SGMS1: variants seen among roughly 807,000 people sequenced by gnomAD.
The protein encoded by SGMS1 is sphingomyelin synthase 1.
Under a neutral mutation model 46.2 loss-of-function variants are expected in SGMS1, and 13 were observed. That is an observed-to-expected ratio of 0.28 (90% CI 0.18 to 0.45). The LOEUF (loss-of-function observed/expected upper bound fraction) is 0.45, where lower values mean the gene tolerates loss of function less well. Ranked by LOEUF, SGMS1 falls within the 20% of genes least tolerant of loss-of-function variation. The pLI is 1.00. For missense variants in SGMS1, 324 were observed against 519.9 expected (o/e 0.62, Z 3.66); for synonymous variants, 203 against 187.8 (o/e 1.08, Z -0.66).
intron 6 of SGMS1, among the ~76,000 whole-genome samples, chr10:50,347,799 C>T (rs1290584311): frequency 6.6e-6 from 1 of 152,164 alleles, no homozygotes; most frequent in African/African-American, 2.4e-5. Context: ...TTTCAGTCCT[C>T]TCTGATGAGA....
At chr10:50,560,191 T>C (rs1838222069) in intron 2 of SGMS1, among the ~76,000 whole-genome samples, 1 of 145,592 alleles carries the variant, frequency 6.9e-6, no homozygotes, top group Non-Finnish European at 1.5e-5. Flanking sequence ...TCAGAATATA[T>C]GTGTATATAT....
chr10:50,424,614 C>G lies in SGMS1; in HGVS notation c.-232+8862G>C, dbSNP rs117607809. Among the ~76,000 whole-genome samples, 194 of 152,238 alleles carry G rather than the reference C, an allele frequency of 1.3e-3. 2 individuals are homozygous for G. The South Asian group carries it at 0.018, about 14-fold the overall frequency. ...AACAATCAACAGAATAAGGAGACAACCTACAGAATGGGAGAAAATATTTGC... is the reference window on the plus strand; with the variant it reads ...AACAATCAACAGAATAAGGAGACAAGCTACAGAATGGGAGAAAATATTTGC... On this transcript the variant is annotated intron_variant, in intron 6 of 10. Transcript: ENST00000361781.
At position 50,343,656 on chromosome 10, in the gene SGMS1, G is replaced by A. The variant is rs1847858267; in HGVS notation, c.459C>T (p.Ile153=). ...GAGGTACTCGTTCGTGGACGACCGA[G>A]ATCATCACTGTGGTGAGAACGAAAC... ...LSCFVLTTVM[I]SVVHERVPPK... The change falls in exon 7 of 11, where the codon ATC becomes ATT. Residue 153 remains isoleucine (I), a synonymous_variant. Transcript: ENST00000361781. 2 of 1,614,186 alleles carry A rather than the reference G, an allele frequency of 1.2e-6. No individual in the cohort carries two copies. The highest frequency in any genetic ancestry group is 2.7e-5 in the African/African-American group (2 of 75,042).
chr10:50,371,340 A>G (rs1392532539), intron 6 of SGMS1, among the ~76,000 whole-genome samples: 1 of 152,222 alleles, frequency 6.6e-6, no homozygotes, highest in African/African-American at 2.4e-5. Flanking sequence ...AATTACTGCC[A>G]AAGCTTCCTC....
intron 6 of SGMS1, among the ~76,000 whole-genome samples, chr10:50,359,877 T>C (rs923781909): frequency 1.4e-4 from 21 of 152,146 alleles, no homozygotes; most frequent in African/African-American, 4.8e-4. Context: ...ATATTACAAA[T>C]ATCCACAGGG....
At chr10:50,448,761 A>T (rs1451132363) in intron 5 of SGMS1, among the ~76,000 whole-genome samples, 5 of 151,350 alleles carry the variant, frequency 3.3e-5, no homozygotes, top group Non-Finnish European at 5.9e-5. Flanking sequence ...AAAAAAAAAA[A>T]GAATGAAAAG....
chr10:50,556,394 G>T (rs1278163548), intron 2 of SGMS1, among the ~76,000 whole-genome samples: 1 of 152,156 alleles, frequency 6.6e-6, no homozygotes, highest in East Asian at 1.9e-4. Context: ...TTGGGGGCTG[G>T]GTTATTTTGT....
At chr10:50,325,104 C>T (rs963443599) in intron 8 of SGMS1, among the ~76,000 whole-genome samples, 2 of 152,074 alleles carry the variant, frequency 1.3e-5, no homozygotes, top group Non-Finnish European at 1.5e-5. Context: ...TTTTTAGATG[C>T]GTACTAAAGT....
intron 3 of SGMS1, among the ~76,000 whole-genome samples, chr10:50,471,096 C>T (rs1167634099): frequency 1.3e-5 from 2 of 152,150 alleles, no homozygotes; most frequent in South Asian, 2.1e-4. Context: ...AACTATGCTC[C>T]AGGCAATGGT....
chr10:50,388,097 G>C (rs1055023034), intron 6 of SGMS1, among the ~76,000 whole-genome samples: 1 of 152,160 alleles, frequency 6.6e-6, no homozygotes, highest in African/African-American at 2.4e-5. Context: ...TACCATTTGT[G>C]TAAGAGAGGG....
chr10:50,543,423 G>C (rs981062377), intron 2 of SGMS1, among the ~76,000 whole-genome samples: 4 of 152,198 alleles, frequency 2.6e-5, no homozygotes, highest in African/African-American at 9.6e-5. Context: ...CATATATCAA[G>C]TTGTAAAAAA....
chr10:50,313,740 A>G (rs1847295307), intron 8 of SGMS1, among the ~76,000 whole-genome samples: 1 of 152,226 alleles, frequency 6.6e-6, no homozygotes. Flanking sequence ...AGCATCACCC[A>G]TACTTTGTCC....
At chr10:50,566,762 GAC>G (rs1838291437) in intron 2 of SGMS1, among the ~76,000 whole-genome samples, 2 of 152,226 alleles carry the variant, frequency 1.3e-5, no homozygotes, top group Admixed American at 1.3e-4. Context: ...ACCCCTGGCA[GAC>G]ACAAAATCTA....
intron 8 of SGMS1, among the ~76,000 whole-genome samples, chr10:50,320,680 A>C (rs1421607443): frequency 6.6e-6 from 1 of 152,164 alleles, no homozygotes; most frequent in Admixed American, 6.5e-5. Context: ...GCTCCATAAG[A>C]TCCCATGTCC....
At chr10:50,440,172 C>T (rs1444209152) in intron 5 of SGMS1, among the ~76,000 whole-genome samples, 2 of 151,704 alleles carry the variant, frequency 1.3e-5, no homozygotes, top group Non-Finnish European at 2.9e-5. Flanking sequence ...GATATTGCCC[C>T]CAAGGTAGCA....
intron 2 of SGMS1, among the ~76,000 whole-genome samples, chr10:50,581,019 T>C (rs958759505): frequency 6.6e-6 from 1 of 152,214 alleles, no homozygotes; most frequent in Non-Finnish European, 1.5e-5. Flanking sequence ...TCAGTAGGTC[T>C]GGGTGAGGCC....
At chr10:50,400,416 T>G (rs375022896) in intron 6 of SGMS1, among the ~76,000 whole-genome samples, 5 of 30,106 alleles carry the variant, frequency 1.7e-4, no homozygotes, top group East Asian at 1.2e-3. Context: ...TATATATATA[T>G]ATATATATAT....
chr10:50,514,556 C>T (rs1037531965), intron 3 of SGMS1, among the ~76,000 whole-genome samples: 1 of 152,072 alleles, frequency 6.6e-6, no homozygotes, highest in Non-Finnish European at 1.5e-5. Flanking sequence ...TAGTCTTTTG[C>T]CATGTAAGGT....
intron 2 of SGMS1, among the ~76,000 whole-genome samples, chr10:50,589,816 G>A (rs1838523451): frequency 6.6e-6 from 1 of 152,146 alleles, no homozygotes; most frequent in Admixed American, 6.5e-5. Flanking sequence ...ACAGTGAAGG[G>A]AGCATAACTC....
Sources: gnomAD v4.1 joint callset for allele counts (sites outside exome capture counted in the v4.1 genomes callset) on GRCh38, gnomAD v4.1.1 for gene constraint, MANE v1.5 for transcripts, NCBI Gene and HGNC (gene_info 2026-07-23, HGNC 2026-07-21) for gene names.